Variants in RAP1GAP observed in about 807,000 individuals in gnomAD.
RAP1GAP encodes the protein rap1 GTPase-activating protein 1.
RAP1GAP carries 35 observed loss-of-function variants against 87.2 expected under a neutral mutation model. The ratio of observed to expected loss-of-function variants is 0.40; its 90% CI spans 0.31 to 0.53. The LOEUF is 0.53. Among genes scored for constraint, RAP1GAP ranks in the 20% least tolerant of loss-of-function variants. The pLI, the probability that RAP1GAP is intolerant of heterozygous loss-of-function variation, is 0.48. For missense variants in RAP1GAP, 734 were observed against 898.9 expected (o/e 0.82, Z 2.35); for synonymous variants, 375 against 363.9 (o/e 1.03, Z -0.35).
At chr1:21,630,903 A>C (rs2093597127) in intron 2 of RAP1GAP, among the ~76,000 whole-genome samples, 1 of 151,774 alleles carries the variant, frequency 6.6e-6, no homozygotes, top group Non-Finnish European at 1.5e-5. Context: ...TTCCCTCCTC[A>C]CCAGCCCTCT....
At chr1:21,637,682 ATTAG>A (rs2094974796) in intron 2 of RAP1GAP, among the ~76,000 whole-genome samples, 1 of 152,176 alleles carries the variant, frequency 6.6e-6, no homozygotes, top group African/African-American at 2.4e-5. Flanking sequence ...TTACAAGGAG[ATTAG>A]TTAAATATAT....
chr1:21,667,599 T>C, intron 1 of RAP1GAP: 1 of 152,348 alleles, frequency 6.6e-6, no homozygotes, highest in Non-Finnish European at 1.5e-5. Flanking sequence ...CACCCTCACC[T>C]CCTGGCAGCA....
intron 1 of RAP1GAP, among the ~76,000 whole-genome samples, chr1:21,652,464 A>G (rs2096652188): frequency 6.6e-6 from 1 of 152,100 alleles, no homozygotes; most frequent in South Asian, 2.1e-4. Context: ...CCCGCGAACG[A>G]ATGAGTGAAT....
chr1:21,624,070 G>GCACA (rs2090576451), intron 3 of RAP1GAP, among the ~76,000 whole-genome samples: 1 of 152,190 alleles, frequency 6.6e-6, no homozygotes, highest in Non-Finnish European at 1.5e-5. Context: ...ACAGACCAGT[G>GCACA]GCTGTGGCTG....
Position 21,649,785 on chromosome 1 carries a change from G to A in RAP1GAP, c.-137C>T. On this transcript the variant is annotated 5_prime_UTR_variant, in exon 2 of 25. Coordinates refer to ENST00000374765, the MANE Select transcript of RAP1GAP (RefSeq NM_002885.4). The stretch of plus-strand genomic sequence containing the variant: ...CCACACACTCCGGCGAGAAGTGAAG[G>A]ACTTGTCCACCCTGAAACACAACAA... 1 of 1,552,400 alleles carries A rather than the reference G, an allele frequency of 6.4e-7. No individual in the cohort carries two copies.
chr1:21,666,893 C>T (rs1327493792), intron 1 of RAP1GAP, among the ~76,000 whole-genome samples: 1 of 152,176 alleles, frequency 6.6e-6, no homozygotes, highest in Non-Finnish European at 1.5e-5. Flanking sequence ...GGCTCTTCTC[C>T]TTGCTGACAA....
chr1:21,622,715 G>A lies in RAP1GAP; in HGVS notation c.-18-2665C>T, dbSNP rs1383398236. The A allele has an allele frequency of 2.0e-5, 3 of 151,600 alleles. No individual in the cohort carries two copies. Among genetic ancestry groups the A allele is most frequent in the Non-Finnish European group, 4.4e-5 (3 of 67,890 alleles). The allele number at this position is 151,600 out of a possible 1,614,324, so 9.4% of individuals were successfully genotyped here. A position where few individuals can be genotyped will look rare whatever the true frequency, so the allele number is the denominator to read the frequency against. ...GCGCGTTCCGGCCCGAGCGCTAGAA[G>A]CTTTGGGTGCGTCGGGCTCCCCGAG... On this transcript the variant is annotated intron_variant, in intron 3 of 24. Transcript: ENST00000374765. This position sits in a 1 kb window ranked among gnomAD's most constrained non-coding sequence, Gnocchi z 5.7.
chr1:21,651,724 G>A, intron 1 of RAP1GAP: 4 of 628,692 alleles, frequency 6.4e-6, no homozygotes, highest in Non-Finnish European at 1.0e-5. Flanking sequence ...TCCCCCCCAC[G>A]CGTGCACACG....
intron 7 of RAP1GAP, among the ~76,000 whole-genome samples, chr1:21,614,768 C>T (rs1265004626): frequency 6.6e-6 from 1 of 152,116 alleles, no homozygotes; most frequent in Non-Finnish European, 1.5e-5. Context: ...GTCCCAAAGC[C>T]GAGGGCTGGA....
intron 16 of RAP1GAP, 77 bp from the exon 17 acceptor site, chr1:21,608,427 T>G (rs2076171411): frequency 6.5e-7 from 1 of 1,543,156 alleles, no homozygotes; most frequent in Non-Finnish European, 8.7e-7. Context: ...CCTGGCCACC[T>G]TCTGAGGCAC....
At position 21,629,508 on chromosome 1, in the gene RAP1GAP, T is replaced by C. The variant is rs2093278524; in HGVS notation, c.-112-3111A>G. Among the ~76,000 whole-genome samples the C allele has an allele frequency of 1.3e-5, 2 of 152,088 alleles. 1 individual carries two copies. The highest frequency in any genetic ancestry group is 4.1e-4 in the South Asian group (2 of 4,820). ...GGGACCCCATCCCAGGGCCCTTGGCTCTCCAGTTCCTGGCTGGCCACAGTC... is the reference window on the plus strand; with the variant it reads ...GGGACCCCATCCCAGGGCCCTTGGCCCTCCAGTTCCTGGCTGGCCACAGTC... On this transcript the variant is annotated intron_variant, in intron 2 of 24. Coordinates refer to ENST00000374765, the MANE Select transcript of RAP1GAP (RefSeq NM_002885.4).
intron 2 of RAP1GAP, among the ~76,000 whole-genome samples, chr1:21,632,239 T>TG (rs1252805428): frequency 6.6e-6 from 1 of 152,208 alleles, no homozygotes; most frequent in Non-Finnish European, 1.5e-5. Flanking sequence ...CTAAGTGGGA[T>TG]GGGCCCGGCC....
intron 21 of RAP1GAP, among the ~76,000 whole-genome samples, chr1:21,598,863 G>A (rs2065909236): frequency 6.6e-6 from 1 of 152,196 alleles, no homozygotes; most frequent in Non-Finnish European, 1.5e-5. Flanking sequence ...TGCCCCAGCA[G>A]GCAGGGCCTG....
chr1:21,613,149 G>C lies in RAP1GAP; in HGVS notation c.528+27C>G, dbSNP rs2079527337. The C allele has an allele frequency of 6.5e-7, 1 of 1,527,824 alleles. No individual in the cohort carries two copies. The highest frequency in any genetic ancestry group is 9.1e-7 in the Non-Finnish European group (1 of 1,101,714). The allele number at this position is 1,527,824 out of a possible 1,614,324, so 94.6% of individuals were successfully genotyped here. ...TCTTCCAGTTACTCACCCACCCTCA[G>C]TGAGCTGTGCCCAGATCCAGCCATA... On this transcript the variant is annotated intron_variant, in intron 10 of 24. Transcript: ENST00000374765. This position sits in a 1 kb window ranked among gnomAD's most constrained non-coding sequence, Gnocchi z 4.7.
At chr1:21,632,326 G>A (rs576696330) in intron 2 of RAP1GAP, among the ~76,000 whole-genome samples, 1 of 152,146 alleles carries the variant, frequency 6.6e-6, no homozygotes. Context: ...TCTCTGCATC[G>A]AGGTAACAAT....
At chr1:21,623,182 G>A (rs1558741638) in intron 3 of RAP1GAP, among the ~76,000 whole-genome samples, 4 of 152,178 alleles carry the variant, frequency 2.6e-5, no homozygotes, top group Admixed American at 6.5e-5. Flanking sequence ...ACCTAGGGAG[G>A]GGCTGCCAGG....
intron 1 of RAP1GAP, among the ~76,000 whole-genome samples, chr1:21,655,155 A>G (rs2096810541): frequency 6.6e-6 from 1 of 151,750 alleles, no homozygotes; most frequent in Non-Finnish European, 1.5e-5. Context: ...AAAAAAAAAG[A>G]AGAAAAGAAA....
Position 21,609,036 on chromosome 1 carries a change from CA to C in RAP1GAP, c.1072-101del. On this transcript the variant is annotated intron_variant, in intron 15 of 24. Transcript: ENST00000374765. This position sits in a 1 kb window ranked among gnomAD's most constrained non-coding sequence, Gnocchi z 4.4. ...GAGGCAGAGGCTGCAGCTCCTGAAC[CA>C]TGCTCTGCTGGGGCCTGGGGTCACC... The C allele has an allele frequency of 2.0e-6, 2 of 1,019,380 alleles. No homozygotes were observed. The highest frequency in any genetic ancestry group is 3.1e-6 in the Non-Finnish European group (2 of 648,774). 63.1% of individuals were successfully genotyped at this position (1,019,380 alleles called of 1,614,324 possible).
In RAP1GAP at chr1:21,610,214, G is replaced by A. The variant is rs1346613094; in HGVS notation, c.905C>T (p.Thr302Ile). ...IVAVVFQDEN[T>I]PFVPDMIASN... Reference sequence around the variant, plus strand: ...CGCGATCATGTCGGGCACGAAAGGAGTGTTCTCATCCTGGAAGACCACAGC... The same window carrying A: ...CGCGATCATGTCGGGCACGAAAGGAATGTTCTCATCCTGGAAGACCACAGC... Residue 302 changes from threonine to isoleucine, a missense_variant, in exon 14 of 25, where the codon ACT (threonine) becomes ATT (isoleucine). Thr to Ile is a moderately conservative substitution (Grantham distance 89, BLOSUM62 -1). Transcript: ENST00000374765. 6.2e-7 allele frequency: 1 copy of A among 1,614,070 alleles called. No homozygotes were observed. Among genetic ancestry groups the A allele is most frequent in the East Asian group, 2.2e-5 (1 of 44,890 alleles).
Sources: allele counts gnomAD v4.1 joint callset (sites outside exome capture counted in the v4.1 genomes callset), GRCh38; gene constraint gnomAD v4.1.1; non-coding constraint Gnocchi (gnomAD v3.1); transcripts MANE v1.5; gene names NCBI Gene and HGNC (gene_info 2026-07-23, HGNC 2026-07-21).